The following KIAA0825 variants were observed in gnomAD, a reference collection of about 807,000 sequenced individuals.
KIAA0825 encodes the protein uncharacterized protein KIAA0825.
KIAA0825 carries 119 observed loss-of-function variants against 147.6 expected under a neutral mutation model. The observed-to-expected ratio is 0.81, with a 90% CI of 0.69 to 0.94. The LOEUF (loss-of-function observed/expected upper bound fraction) is 0.94, where lower values mean the gene tolerates loss of function less well. Ranked by LOEUF, KIAA0825 falls within the 40% of genes least tolerant of loss-of-function variation. KIAA0825 has a pLI of 0.00. For synonymous variants in KIAA0825, 470 were observed against 518.1 expected, an observed-to-expected ratio of 0.91 and a Z score of 1.26; for missense variants, 1,381 against 1,472.7, an observed-to-expected ratio of 0.94 and a Z score of 1.02.
chr5:94,340,270 AGTT>A lies in KIAA0825; in HGVS notation c.3710+44095_3710+44097del, dbSNP rs1156531758. Among the ~76,000 whole-genome samples the A allele has an allele frequency of 1.8e-4, 27 of 152,270 alleles. 1 individual carries two copies. Among genetic ancestry groups the A allele is most frequent in the African/African-American group, 6.5e-4 (27 of 41,562 alleles). Reference sequence around the variant, plus strand: ...AATACAATGTAAGTGCTATGAAAATAGTTGTTATGCTGTATTGTTTAGGAAATA... The same window carrying A: ...AATACAATGTAAGTGCTATGAAAATAGTTATGCTGTATTGTTTAGGAAATA... On this transcript the variant is annotated intron_variant, in intron 20 of 20. Coordinates refer to ENST00000682413, the MANE Select transcript of KIAA0825 (RefSeq NM_001145678.3).
chr5:94,209,068 A>C (rs1400467664), intron 20 of KIAA0825, among the ~76,000 whole-genome samples: 1 of 152,194 alleles, frequency 6.6e-6, no homozygotes, highest in Non-Finnish European at 1.5e-5. Context: ...TTTAAGAAAA[A>C]ACCCATGTGG....
chr5:94,580,369 G>C (rs1161275369), intron 2 of KIAA0825, among the ~76,000 whole-genome samples: 1 of 152,048 alleles, frequency 6.6e-6, no homozygotes, highest in African/African-American at 2.4e-5. Context: ...AACAACTGTG[G>C]TATAAATTCT....
At chr5:94,499,587 G>GGA (rs1764806882) in intron 5 of KIAA0825, among the ~76,000 whole-genome samples, 2 of 56,646 alleles carry the variant, frequency 3.5e-5, no homozygotes, top group South Asian at 4.5e-4. Context: ...TCCCAATCTG[G>GGA]GGGGGGGGGG....
At chr5:94,205,208 A>C (rs2150031409) in intron 20 of KIAA0825, among the ~76,000 whole-genome samples, 1 of 145,426 alleles carries the variant, frequency 6.9e-6, no homozygotes, top group African/African-American at 2.5e-5. Flanking sequence ...GGGTATGTGT[A>C]ATTATTTTTA....
chr5:94,377,166 G>A (rs1584307617), intron 20 of KIAA0825, among the ~76,000 whole-genome samples: 1 of 152,106 alleles, frequency 6.6e-6, no homozygotes, highest in Admixed American at 6.5e-5. Flanking sequence ...CAGATGTATG[G>A]TTATTGTCCA....
chr5:94,284,242 A>G (rs1777574641), intron 20 of KIAA0825, among the ~76,000 whole-genome samples: 2 of 152,122 alleles, frequency 1.3e-5, no homozygotes, highest in Non-Finnish European at 2.9e-5. Context: ...ATACCTAATT[A>G]TAACTGCTTT....
chr5:94,222,572 C>G (rs1206118334), intron 20 of KIAA0825, among the ~76,000 whole-genome samples: 1 of 152,108 alleles, frequency 6.6e-6, no homozygotes, highest in African/African-American at 2.4e-5. Context: ...ATTTAAGAAG[C>G]AAGAATGTTG....
At chr5:94,177,889 T>C (rs1256714565) in intron 20 of KIAA0825, among the ~76,000 whole-genome samples, 2 of 152,138 alleles carry the variant, frequency 1.3e-5, no homozygotes, top group Non-Finnish European at 2.9e-5. Flanking sequence ...TGACAATTAC[T>C]GTCCCTTCTC....
chr5:94,213,194 C>T (rs1273675952), intron 20 of KIAA0825, among the ~76,000 whole-genome samples: 1 of 152,014 alleles, frequency 6.6e-6, no homozygotes, highest in East Asian at 1.9e-4. Context: ...TGTTCTCCAT[C>T]TCAATGAATG....
chr5:94,268,125 A>G (rs961503071), intron 20 of KIAA0825, among the ~76,000 whole-genome samples: 4 of 152,082 alleles, frequency 2.6e-5, no homozygotes, highest in Non-Finnish European at 5.9e-5. Flanking sequence ...TTAAAAGAGG[A>G]CTCACAGAGT....
chr5:94,439,288 G>A (rs945621181), intron 14 of KIAA0825, among the ~76,000 whole-genome samples: 2 of 152,154 alleles, frequency 1.3e-5, no homozygotes, highest in African/African-American at 4.8e-5. Flanking sequence ...CTTGTGGTAC[G>A]TAATAGGAGA....
chr5:94,288,637 T>C (rs1777757277), intron 20 of KIAA0825, among the ~76,000 whole-genome samples: 1 of 152,190 alleles, frequency 6.6e-6, no homozygotes, highest in Admixed American at 6.6e-5. Context: ...TGGTTTTATC[T>C]GTCCATAAAC....
intron 20 of KIAA0825, among the ~76,000 whole-genome samples, chr5:94,261,080 T>C (rs1278749210): frequency 6.6e-6 from 1 of 151,388 alleles, no homozygotes; most frequent in African/African-American, 2.4e-5. Flanking sequence ...GGTGGGAGGA[T>C]TGCTTGAGCC....
intron 1 of KIAA0825, among the ~76,000 whole-genome samples, chr5:94,588,508 G>T (rs1443296934): frequency 1.3e-5 from 2 of 152,158 alleles, no homozygotes; most frequent in East Asian, 3.9e-4. Flanking sequence ...ACACCAATTA[G>T]AATGGCAATC....
intron 20 of KIAA0825, among the ~76,000 whole-genome samples, chr5:94,199,866 G>A (rs538243018): frequency 2.1e-4 from 32 of 152,298 alleles, no homozygotes; most frequent in African/African-American, 7.7e-4. Flanking sequence ...AAGAATTGTG[G>A]TGGTGGCCAC....
chr5:94,538,088 T>C (rs557853079), intron 2 of KIAA0825, among the ~76,000 whole-genome samples: 43 of 152,236 alleles, frequency 2.8e-4, no homozygotes, highest in Non-Finnish European at 5.6e-4. Flanking sequence ...GGCTGGGATA[T>C]AGCTGCAATA....
At chr5:94,180,928 T>C (rs955842075) in intron 20 of KIAA0825, among the ~76,000 whole-genome samples, 1 of 152,164 alleles carries the variant, frequency 6.6e-6, no homozygotes, top group African/African-American at 2.4e-5. Context: ...GGGTTATTCA[T>C]CTTCAAAGTA....
chr5:94,536,894 T>G (rs577445061), intron 3 of KIAA0825, 102 bp downstream of exon 3: 1 of 788,606 alleles, frequency 1.3e-6, no homozygotes, highest in East Asian at 2.9e-5. Flanking sequence ...TAATGATAAT[T>G]AAAACCTAAA....
intron 20 of KIAA0825, among the ~76,000 whole-genome samples, chr5:94,258,870 G>T (rs1030119179): frequency 6.6e-6 from 1 of 151,956 alleles, no homozygotes; most frequent in Non-Finnish European, 1.5e-5. Context: ...GCATAAAAAT[G>T]AACCACTTTA....
Sources: allele counts gnomAD v4.1 joint callset (sites outside exome capture counted in the v4.1 genomes callset), GRCh38; gene constraint gnomAD v4.1.1; transcripts MANE v1.5; gene names NCBI Gene and HGNC (gene_info 2026-07-23, HGNC 2026-07-21).